NIBAN3: variants seen among roughly 807,000 people sequenced by gnomAD.
NIBAN3 encodes the protein protein Niban 3.
NIBAN3 carries 66 observed loss-of-function variants against 76.4 expected under a neutral mutation model. The ratio of observed to expected loss-of-function variants is 0.86; its 90% CI spans 0.71 to 1.06. The LOEUF is 1.06. NIBAN3 is among the 50% of genes least tolerant of loss of function. NIBAN3 has a pLI of 0.00. For missense variants in NIBAN3, 808 were observed against 810.7 expected, an observed-to-expected ratio of 1.00 and a Z score of 0.04; for synonymous variants, 360 against 355.2, an observed-to-expected ratio of 1.01 and a Z score of -0.15.
rs183472471 is a variant in NIBAN3, at chr19:17,536,347, C to T, written c.428-1029C>T. Among the ~76,000 whole-genome samples the T allele has an allele frequency of 4.9e-3, 739 of 151,366 alleles. 4 individuals are homozygous for T. The highest frequency in any genetic ancestry group is 0.017 in the African/African-American group (697 of 40,688). Reference sequence around the variant, plus strand: ...CTGAGACCATAGGCACCTGCCACCACACCCTGTAAATTTTGTGTTTTAGTA... The same window carrying T: ...CTGAGACCATAGGCACCTGCCACCATACCCTGTAAATTTTGTGTTTTAGTA... On this transcript the variant is annotated intron_variant, in intron 4 of 14. Transcript: ENST00000599164.
At chr19:17,527,110 C>A, upstream of NIBAN3, 1 of 1,082,648 alleles carries the variant, frequency 9.2e-7, no homozygotes, top group Non-Finnish European at 1.3e-6. Context: ...CCACACCCCA[C>A]AACCTAACCC....
At chr19:17,532,050 C>T (rs749809808) in intron 2 of NIBAN3, among the ~76,000 whole-genome samples, 5 of 152,188 alleles carry the variant, frequency 3.3e-5, no homozygotes, top group South Asian at 2.1e-4. Context: ...TTTGCCTCTC[C>T]GGAATGCCCC....
intron 3 of NIBAN3, among the ~76,000 whole-genome samples, chr19:17,533,164 C>A (rs780014560): frequency 6.6e-6 from 1 of 152,118 alleles, no homozygotes; most frequent in Non-Finnish European, 1.5e-5. Context: ...AATGCCAACA[C>A]TTTGGGAGAC....
intron 4 of NIBAN3, among the ~76,000 whole-genome samples, 162 bp downstream of exon 4, chr19:17,533,863 G>A (rs1405947997): frequency 6.6e-6 from 1 of 152,072 alleles, no homozygotes; most frequent in Non-Finnish European, 1.5e-5. Context: ...CCCCACCCTG[G>A]GTGCGACAAC....
upstream of NIBAN3, among the ~76,000 whole-genome samples, chr19:17,525,848 C>T (rs2075601157): frequency 6.6e-6 from 1 of 152,112 alleles, no homozygotes; most frequent in South Asian, 2.1e-4. Context: ...ACCTGTAATC[C>T]CAGCACTTTG....
chr19:17,540,567 G>A lies in NIBAN3; in HGVS notation c.1155G>A (p.Thr385=). ...SHRLRQSPSG[T]RLRREVYSFG... is the part of the protein sequence containing the mutation. ...GCCTGCGCCAGAGCCCCTCAGGCAC[G>A]CGGCTGCGCAGGGAGGTGAGCTCCC... The change falls in exon 9 of 15, where the codon ACG becomes ACA. Residue 385 remains threonine (T), a synonymous_variant. Transcript: ENST00000599164. The A allele has an allele frequency of 6.6e-7, 1 of 1,520,888 alleles. No homozygotes were observed. The allele number at this position is 1,520,888 out of a possible 1,614,324, so 94.2% of individuals were successfully genotyped here.
upstream of NIBAN3, chr19:17,523,448 G>A: frequency 6.4e-7 from 1 of 1,564,072 alleles, no homozygotes. Flanking sequence ...GATGGGGCCT[G>A]ACCGGAAGGA....
At position 17,553,144 on chromosome 19, in the gene NIBAN3, T is replaced by A. The variant is rs1330574889; in HGVS notation, c.*1246T>A. The A allele has an allele frequency of 2.1e-6, 2 of 964,670 alleles. No homozygotes were observed. Among genetic ancestry groups the A allele is most frequent in the Non-Finnish European group, 2.9e-6 (2 of 679,014 alleles). 59.8% of individuals were successfully genotyped at this position (964,670 alleles called of 1,614,324 possible). On this transcript the variant is annotated 3_prime_UTR_variant, in exon 15 of 15. Transcript: ENST00000599164. ...GTAGTTTTTTTTTTTTTAATTTCAG[T>A]GAATTGCCTGTTCATAGCTTTTTTC...
At chr19:17,531,143 G>A (rs1479248048) in intron 2 of NIBAN3, among the ~76,000 whole-genome samples, 3 of 151,942 alleles carry the variant, frequency 2.0e-5, no homozygotes, top group South Asian at 2.1e-4. Context: ...GTGAAACCCC[G>A]AAACCCCATC....
chr19:17,539,890 G>A, intron 8 of NIBAN3, 125 bp downstream of exon 8: 2 of 722,624 alleles, frequency 2.8e-6, no homozygotes, highest in Non-Finnish European at 4.4e-6. Context: ...AGAGGGGCGG[G>A]GCCAAGCATA....
At chr19:17,547,924 C>CA (rs2081989155) in intron 13 of NIBAN3, among the ~76,000 whole-genome samples, 1 of 152,210 alleles carries the variant, frequency 6.6e-6, no homozygotes, top group Non-Finnish European at 1.5e-5. Flanking sequence ...CTTGGCCTCC[C>CA]AAAGTGCTGG....
chr19:17,547,350 C>CTTTTTTT lies in NIBAN3; in HGVS notation c.1666+569_1666+575dup, dbSNP rs1161818189. 4.1e-4 allele frequency among the ~76,000 whole-genome samples: 26 copies of CTTTTTTT among 62,700 alleles called. 2 individuals are homozygous for CTTTTTTT. The highest frequency in any genetic ancestry group is 5.9e-4 in the East Asian group (1 of 1,700). The allele number at this position is 62,700 out of a possible 152,430, so 41.1% of individuals were successfully genotyped here. A position where few individuals can be genotyped will look rare whatever the true frequency, so the allele number is the denominator to read the frequency against. The stretch of plus-strand genomic sequence containing the variant: ...GCCTGGCGACAGAACGAGACTATGT[C>CTTTTTTT]TTTTTTTTTTTTTTTTTTTTTTGAG... On this transcript the variant is annotated intron_variant, in intron 13 of 14. Coordinates refer to ENST00000599164, the MANE Select transcript of NIBAN3 (RefSeq NM_001321827.2).
intron 12 of NIBAN3, chr19:17,543,890 G>A: frequency 3.8e-6 from 1 of 263,528 alleles, no homozygotes; most frequent in African/African-American, 2.2e-5. Flanking sequence ...TACTCAGGAG[G>A]CTGAAGCAGG....
At chr19:17,548,699 G>A (rs1212159478) in intron 13 of NIBAN3, among the ~76,000 whole-genome samples, 1 of 152,172 alleles carries the variant, frequency 6.6e-6, no homozygotes, top group Non-Finnish European at 1.5e-5. Flanking sequence ...GTTGAGGAGG[G>A]TGGATCACTG....
chr19:17,540,718 G>T, intron 9 of NIBAN3, 136 bp downstream of exon 9: 1 of 599,460 alleles, frequency 1.7e-6, no homozygotes, highest in Non-Finnish European at 2.5e-6. Flanking sequence ...GCTATGGTCA[G>T]TGGAGCACAG....
intron 4 of NIBAN3, among the ~76,000 whole-genome samples, chr19:17,534,846 C>T (rs2144699403): frequency 6.6e-6 from 1 of 151,824 alleles, no homozygotes; most frequent in East Asian, 1.9e-4. Context: ...ATTCCAATTC[C>T]AGGCATGTGC....
In NIBAN3 at chr19:17,551,921, T is replaced by TTTC. The variant is rs1288306726; in HGVS notation, c.*25_*27dup. On this transcript the variant is annotated 3_prime_UTR_variant, in exon 15 of 15. Coordinates refer to ENST00000599164, the MANE Select transcript of NIBAN3 (RefSeq NM_001321827.2). ...TGAATCTTCACCCACATCTATCTTG[T>TTTC]TTCTATTGGATAAATGTCTACAAGT... is the stretch of plus-strand genomic sequence containing the variant. The TTTC allele has an allele frequency of 5.2e-6, 4 of 766,810 alleles. No homozygotes were observed. In the Admixed American group the frequency reaches 6.9e-5, roughly 13 times the overall value. The allele number at this position is 766,810 out of a possible 1,614,324, so 47.5% of individuals were successfully genotyped here.
At position 17,543,632 on chromosome 19, in the gene NIBAN3, G is replaced by T. The variant is rs755232157; in HGVS notation, c.1554+1G>T. On this transcript the variant is annotated splice_donor_variant, in intron 12 of 14. Coordinates refer to ENST00000599164, the MANE Select transcript of NIBAN3 (RefSeq NM_001321827.2). LOFTEE classifies it high-confidence loss of function. ...CCAACTCGAGCCAGGCTGCAAAAAG[G>T]TGAGTTAATGGGAAGTGTGCAAGAG... 3 of 1,611,346 alleles carry T rather than the reference G, an allele frequency of 1.9e-6. No individual in the cohort carries two copies. The highest frequency in any genetic ancestry group is 1.7e-4 in the Middle Eastern group (1 of 6,056).
upstream of NIBAN3, chr19:17,523,532 C>G: frequency 7.4e-7 from 1 of 1,348,090 alleles, no homozygotes. Flanking sequence ...GCCGTGGCCC[C>G]CAGAGCGGCA....
Sources: allele counts gnomAD v4.1 joint callset (sites outside exome capture counted in the v4.1 genomes callset), GRCh38; gene constraint gnomAD v4.1.1; transcripts MANE v1.5; gene names NCBI Gene and HGNC (gene_info 2026-07-23, HGNC 2026-07-21).